GARNL3: variants seen among roughly 807,000 people sequenced by gnomAD.
The protein encoded by GARNL3 is GTPase-activating Rap/Ran-GAP domain-like protein 3.
GARNL3 carries 63 observed loss-of-function variants against 125.0 expected under a neutral mutation model. That is an observed-to-expected ratio of 0.50 (90% CI 0.41 to 0.62). The LOEUF is 0.62. Among genes scored for constraint, GARNL3 ranks in the 20% least tolerant of loss-of-function variants. GARNL3 has a pLI of 0.00. For synonymous variants in GARNL3, 439 were observed against 457.5 expected, an observed-to-expected ratio of 0.96 and a Z score of 0.52; for missense variants, 994 against 1,244.0, an observed-to-expected ratio of 0.80 and a Z score of 3.02.
chr9:127,259,954 A>T (rs2063556475), upstream of GARNL3, among the ~76,000 whole-genome samples: 1 of 152,114 alleles, frequency 6.6e-6, no homozygotes, highest in Non-Finnish European at 1.5e-5. Flanking sequence ...GATCGCTTAA[A>T]CCCAGGAGTT....
At chr9:127,236,170 A>T (rs2063109209) in intron 1 of GARNL3, among the ~76,000 whole-genome samples, 1 of 152,116 alleles carries the variant, frequency 6.6e-6, no homozygotes. Flanking sequence ...AACTGGTTGG[A>T]CTCAGTACCT....
At chr9:127,323,020 A>C (rs923750306) in intron 6 of GARNL3, among the ~76,000 whole-genome samples, 1 of 152,190 alleles carries the variant, frequency 6.6e-6, no homozygotes, top group Admixed American at 6.5e-5. Context: ...GTAGAGCTAA[A>C]TTTGATTTTT....
intron 2 of GARNL3, among the ~76,000 whole-genome samples, chr9:127,309,262 C>T (rs2131454404): frequency 6.6e-6 from 1 of 152,324 alleles, no homozygotes; most frequent in East Asian, 1.9e-4. Context: ...CTTATTATCT[C>T]TGTAGCCTTG....
At chr9:127,358,684 T>G (rs1442691776) in intron 21 of GARNL3, among the ~76,000 whole-genome samples, 2 of 152,206 alleles carry the variant, frequency 1.3e-5, no homozygotes, top group African/African-American at 4.8e-5. Flanking sequence ...TGGTCTGTCA[T>G]TTCTCTTATC....
At chr9:127,282,100 G>T (rs1303729443) in intron 1 of GARNL3, among the ~76,000 whole-genome samples, 1 of 152,136 alleles carries the variant, frequency 6.6e-6, no homozygotes, top group Non-Finnish European at 1.5e-5. Context: ...TGATTTATCT[G>T]ATTATATGTA....
intron 21 of GARNL3, among the ~76,000 whole-genome samples, chr9:127,361,455 A>T (rs896251511): frequency 1.4e-4 from 21 of 152,228 alleles, no homozygotes; most frequent in Admixed American, 7.8e-4. Context: ...TTTAATGCCT[A>T]TGTCCTACAA....
intron 14 of GARNL3, among the ~76,000 whole-genome samples, chr9:127,343,197 C>T (rs1829962403): frequency 6.6e-6 from 1 of 152,084 alleles, no homozygotes; most frequent in Non-Finnish European, 1.5e-5. Context: ...CTGCGCCCGG[C>T]CGACCAGCAC....
intron 2 of GARNL3, among the ~76,000 whole-genome samples, chr9:127,255,078 G>A (rs1327253051): frequency 2.0e-5 from 3 of 152,156 alleles, no homozygotes; most frequent in East Asian, 1.9e-4. Context: ...TACTCACTTC[G>A]GAAAGCAAAT....
chr9:127,235,248 C>T (rs867139827), intron 1 of GARNL3, among the ~76,000 whole-genome samples: 4 of 151,276 alleles, frequency 2.6e-5, no homozygotes, highest in African/African-American at 4.9e-5. Context: ...TTCAGGCTAG[C>T]CACATTTTAA....
intron 1 of GARNL3, among the ~76,000 whole-genome samples, chr9:127,287,075 C>T (rs1271326395): frequency 6.6e-6 from 1 of 152,126 alleles, no homozygotes; most frequent in African/African-American, 2.4e-5. Context: ...TCCTAAAGGG[C>T]CTGGGTCCAT....
At chr9:127,291,096 T>G in intron 1 of GARNL3, 72 bp from the exon 2 acceptor site, 1 of 1,493,418 alleles carries the variant, frequency 6.7e-7, no homozygotes, top group Middle Eastern at 1.7e-4. Context: ...TGTGGCTTAC[T>G]TATAGGATAA....
chr9:127,260,839 G>T (rs1347256290), upstream of GARNL3, among the ~76,000 whole-genome samples: 1 of 152,178 alleles, frequency 6.6e-6, no homozygotes, highest in Non-Finnish European at 1.5e-5. Context: ...TACCTATGGA[G>T]AGCTGTATCA....
chr9:127,300,730 C>A, intron 2 of GARNL3: 4 of 339,658 alleles, frequency 1.2e-5, no homozygotes, highest in South Asian at 9.8e-5. Flanking sequence ...GCTGGGATTA[C>A]AGGCGCGAGC....
intron 1 of GARNL3, among the ~76,000 whole-genome samples, chr9:127,231,019 C>CATAT (rs1295847421): frequency 1.1e-5 from 1 of 94,684 alleles, no homozygotes; most frequent in African/African-American, 4.0e-5. Flanking sequence ...TGTATATATA[C>CATAT]ATATATGTAT....
rs1829341204 is a variant in GARNL3 at position 127,332,886 on chromosome 9, A to G, written c.671-137A>G. Reference sequence around the variant, plus strand: ...TTCCTCATGGTGCTCAAGAAGAAGGAAATGTGACTTACCCATGCTGTTTAC... The same window carrying G: ...TTCCTCATGGTGCTCAAGAAGAAGGGAATGTGACTTACCCATGCTGTTTAC... On this transcript the variant is annotated intron_variant, in intron 8 of 27. Coordinates refer to ENST00000373387, the MANE Select transcript of GARNL3 (RefSeq NM_032293.5). 12 of 672,432 alleles carry G rather than the reference A, an allele frequency of 1.8e-5. 1 individual carries two copies. Among genetic ancestry groups the G allele is most frequent in the South Asian group, 1.4e-4 (8 of 56,958 alleles). 41.7% of individuals were successfully genotyped at this position (672,432 alleles called of 1,614,324 possible).
chr9:127,369,176 G>A (rs1307556383), intron 22 of GARNL3: 1 of 151,714 alleles, frequency 6.6e-6, no homozygotes, highest in Non-Finnish European at 1.5e-5. Context: ...TTTGGGATGT[G>A]AGAGGAAGAA....
intron 1 of GARNL3, among the ~76,000 whole-genome samples, chr9:127,227,215 C>G (rs2062928254): frequency 6.6e-6 from 1 of 152,182 alleles, no homozygotes; most frequent in Non-Finnish European, 1.5e-5. Context: ...GATTTCCTGG[C>G]CTCCAGAGTT....
chr9:127,253,142 G>A (rs559332671), intron 2 of GARNL3, among the ~76,000 whole-genome samples: 96 of 152,262 alleles, frequency 6.3e-4, no homozygotes, highest in African/African-American at 2.2e-3. Flanking sequence ...GTGAGCTGAG[G>A]GATTGACTCA....
intron 1 of GARNL3, among the ~76,000 whole-genome samples, chr9:127,232,916 A>G (rs1370759491): frequency 1.3e-5 from 2 of 152,222 alleles, no homozygotes; most frequent in Non-Finnish European, 2.9e-5. Context: ...TGCTTTCTCA[A>G]TAATTCTAGC....
Sources: gnomAD v4.1 joint callset for allele counts (sites outside exome capture counted in the v4.1 genomes callset) on GRCh38, gnomAD v4.1.1 for gene constraint, MANE v1.5 for transcripts, NCBI Gene and HGNC (gene_info 2026-07-23, HGNC 2026-07-21) for gene names.